TET2: variants seen among roughly 807,000 people sequenced by gnomAD.
The protein encoded by TET2 is methylcytosine dioxygenase TET2.
TET2 carries 299 observed loss-of-function variants against 142.9 expected under a neutral mutation model. The ratio of observed to expected loss-of-function variants is 2.09; its 90% CI spans 1.90 to 2.30. The LOEUF (loss-of-function observed/expected upper bound fraction) is 2.30. Ranked by LOEUF, TET2 falls within the 30% of genes most tolerant of loss-of-function variation. TET2 has a pLI of 0.00. For missense variants in TET2, 2,418 were observed against 2,378.0 expected (o/e 1.02, Z -0.35); for synonymous variants, 819 against 849.0 (o/e 0.96, Z 0.61).
intron 8 of TET2, among the ~76,000 whole-genome samples, chr4:105,262,494 C>T (rs1175209422): frequency 1.3e-5 from 2 of 152,056 alleles, no homozygotes; most frequent in African/African-American, 4.8e-5. Flanking sequence ...ACATCAACAA[C>T]AAAAGCATTA....
chr4:105,154,104 G>T (rs527241882), intron 1 of TET2, among the ~76,000 whole-genome samples: 34 of 152,312 alleles, frequency 2.2e-4, no homozygotes, highest in African/African-American at 7.9e-4. Context: ...GAGACAGAAA[G>T]TTGGCTAGTT....
chr4:105,227,154 A>G (rs192363767), intron 2 of TET2, among the ~76,000 whole-genome samples: 1 of 152,328 alleles, frequency 6.6e-6, no homozygotes, highest in Admixed American at 6.5e-5. Flanking sequence ...CTCCTGAGGA[A>G]TATGTTAAAA....
At chr4:105,242,969 C>T in intron 5 of TET2, 42 bp downstream of exon 5, 1 of 1,491,238 alleles carries the variant, frequency 6.7e-7, no homozygotes, top group Non-Finnish European at 9.1e-7. Flanking sequence ...AAATCTTGGG[C>T]ATTTTGATTT....
chr4:105,153,048 A>G (rs970821495), intron 1 of TET2, among the ~76,000 whole-genome samples: 1 of 152,202 alleles, frequency 6.6e-6, no homozygotes, highest in Admixed American at 6.5e-5. Context: ...CACAAAAGTG[A>G]ATGGTTTTTA....
chr4:105,235,688 T>A lies in TET2; in HGVS notation c.1746T>A (p.Asn582Lys). 1 of 1,614,176 alleles carries A rather than the reference T, an allele frequency of 6.2e-7. No homozygotes were observed. The highest frequency in any genetic ancestry group is 1.1e-5 in the South Asian group (1 of 91,084). ...FHQAESHLKR[N>K]EASLPSILQY... Reference sequence around the variant, plus strand: ...AAGCGGAATCCCATCTAAAACGTAATGAGGCATCACTGCCATCAATTCTTC... The same window carrying A: ...AAGCGGAATCCCATCTAAAACGTAAAGAGGCATCACTGCCATCAATTCTTC... The change falls in exon 3 of 11, where the codon AAT becomes AAA. Residue 582 changes from asparagine (N) to lysine (K), a missense_variant. Transcript: ENST00000380013.
Position 105,243,789 on chromosome 4 carries a change from C to A in TET2, c.3803+11C>A, listed in dbSNP as rs2110256240. On this transcript the variant is annotated intron_variant, in intron 6 of 10. Coordinates refer to ENST00000380013, the MANE Select transcript of TET2 (RefSeq NM_001127208.3). ...TGCCTTGAATGAAGAGTAAGTGAAG[C>A]CCAGGGCCTCTCCCCTCTTTGCGGC... 1 of 1,549,870 alleles carries A rather than the reference C, an allele frequency of 6.5e-7. No homozygotes were observed. The highest frequency in any genetic ancestry group is 8.7e-7 in the Non-Finnish European group (1 of 1,145,444).
intron 2 of TET2, among the ~76,000 whole-genome samples, chr4:105,212,679 T>G (rs1048308081): frequency 6.6e-6 from 1 of 152,210 alleles, no homozygotes. Context: ...ATTTTCTATT[T>G]TTTTCATGAT....
At chr4:105,226,018 A>C (rs1402394545) in intron 2 of TET2, among the ~76,000 whole-genome samples, 1 of 152,176 alleles carries the variant, frequency 6.6e-6, no homozygotes, top group Non-Finnish European at 1.5e-5. Context: ...GGCAAAAGAC[A>C]TGCAAAATGC....
chr4:105,158,879 G>T (rs1415555887), intron 1 of TET2, among the ~76,000 whole-genome samples: 1 of 151,856 alleles, frequency 6.6e-6, no homozygotes, highest in Non-Finnish European at 1.5e-5. Context: ...ACATCTGTAT[G>T]CTCATTTTTA....
chr4:105,273,442 CTAA>C (rs1731062152), intron 10 of TET2, among the ~76,000 whole-genome samples: 1 of 152,030 alleles, frequency 6.6e-6, no homozygotes. Context: ...AGTAGAGGAG[CTAA>C]TAGTTTGGAG....
In TET2 at chr4:105,235,687, A is replaced by G. The variant is rs587778705; in HGVS notation, c.1745A>G (p.Asn582Ser). 4 of 1,614,170 alleles carry G rather than the reference A, an allele frequency of 2.5e-6. No homozygotes were observed. The highest frequency in any genetic ancestry group is 2.2e-5 in the East Asian group (1 of 44,882). ...FHQAESHLKRNEASLPSILQY... is the reference protein window; with the variant it reads ...FHQAESHLKRSEASLPSILQY... ...CAAGCGGAATCCCATCTAAAACGTA[A>G]TGAGGCATCACTGCCATCAATTCTT... The change falls in exon 3 of 11, where the codon AAT (asparagine) becomes AGT (serine). Residue 582 changes from asparagine to serine, a missense_variant. By Grantham distance (46) the Asn-to-Ser change is conservative (BLOSUM62 1). Transcript: ENST00000380013.
At chr4:105,271,017 T>C (rs1319681243) in intron 9 of TET2, among the ~76,000 whole-genome samples, 1 of 152,208 alleles carries the variant, frequency 6.6e-6, no homozygotes, top group African/African-American at 2.4e-5. Context: ...GATCAGAGAT[T>C]GGAAAACTCT....
At chr4:105,258,589 A>G (rs1181397787) in intron 6 of TET2, among the ~76,000 whole-genome samples, 1 of 152,180 alleles carries the variant, frequency 6.6e-6, no homozygotes, top group Admixed American at 6.6e-5. Flanking sequence ...TAGAAAGAAA[A>G]TCTGAGATTA....
At chr4:105,221,598 G>A (rs915777723) in intron 2 of TET2, among the ~76,000 whole-genome samples, 1 of 152,156 alleles carries the variant, frequency 6.6e-6, no homozygotes, top group African/African-American at 2.4e-5. Flanking sequence ...TGCACACGCT[G>A]TATGTGTATG....
chr4:105,175,752 A>G (rs1035396465), intron 1 of TET2, among the ~76,000 whole-genome samples: 1 of 152,136 alleles, frequency 6.6e-6, no homozygotes, highest in African/African-American at 2.4e-5. Flanking sequence ...AAATGTCCCA[A>G]AACTACTCAT....
chr4:105,235,465 T>G lies in TET2; in HGVS notation c.1523T>G (p.Met508Arg). The change falls in exon 3 of 11, where the codon ATG becomes AGG. Residue 508 changes from methionine (M) to arginine (R), a missense_variant. Met to Arg is a moderately conservative substitution (Grantham distance 91). Coordinates refer to ENST00000380013, the MANE Select transcript of TET2 (RefSeq NM_001127208.3). ...VPLCSEKTRP[M>R]SEHLKHNPPI... ...TTGTGTTCTGAGAAAACAAGACCAA[T>G]GTCAGAACACCTCAAGCATAACCCA... The G allele has an allele frequency of 6.2e-7, 1 of 1,614,124 alleles. No individual in the cohort carries two copies. Among genetic ancestry groups the G allele is most frequent in the Non-Finnish European group, 8.5e-7 (1 of 1,180,008 alleles).
chr4:105,257,027 T>TA (rs1423424208), intron 6 of TET2, among the ~76,000 whole-genome samples: 2 of 152,236 alleles, frequency 1.3e-5, no homozygotes, highest in Non-Finnish European at 2.9e-5. Context: ...ATAGCTGACT[T>TA]AAAGTCTTTG....
At chr4:105,189,809 T>G (rs139756920) in intron 1 of TET2, among the ~76,000 whole-genome samples, 1 of 152,360 alleles carries the variant, frequency 6.6e-6, no homozygotes, top group Non-Finnish European at 1.5e-5. Flanking sequence ...TTATAATGTT[T>G]TACCTTTTCC....
At chr4:105,266,976 A>G (rs1333009155) in intron 8 of TET2, among the ~76,000 whole-genome samples, 1 of 152,046 alleles carries the variant, frequency 6.6e-6, no homozygotes, top group Non-Finnish European at 1.5e-5. Flanking sequence ...TGATAAAGAG[A>G]AACTCAGAAA....
Sources: gnomAD v4.1 joint callset for allele counts (sites outside exome capture counted in the v4.1 genomes callset) on GRCh38, gnomAD v4.1.1 for gene constraint, MANE v1.5 for transcripts, NCBI Gene and HGNC (gene_info 2026-07-23, HGNC 2026-07-21) for gene names.